SCAPER: variants seen among roughly 807,000 people sequenced by gnomAD.
SCAPER encodes S phase cyclin A-associated protein in the endoplasmic reticulum.
In SCAPER, 98 loss-of-function variants were observed where a neutral mutation model predicts 182.2. That is an observed-to-expected ratio of 0.54 (90% CI 0.46 to 0.64). The LOEUF is 0.64. Ranked by LOEUF, SCAPER falls within the 30% of genes least tolerant of loss-of-function variation. SCAPER has a pLI of 0.00. For missense variants in SCAPER, 1,432 were observed against 1,690.0 expected (o/e 0.85, Z 2.68); for synonymous variants, 605 against 564.6 (o/e 1.07, Z -1.01).
intron 22 of SCAPER, among the ~76,000 whole-genome samples, chr15:76,582,663 C>T (rs183866290): frequency 2.0e-5 from 3 of 152,188 alleles, no homozygotes; most frequent in South Asian, 2.1e-4. Flanking sequence ...GCAAAAAGAA[C>T]GAAACAGAAG....
chr15:76,560,947 G>A (rs2046570341), intron 23 of SCAPER, among the ~76,000 whole-genome samples: 1 of 152,118 alleles, frequency 6.6e-6, no homozygotes. Flanking sequence ...CTGTCATGGA[G>A]TCTACTAATT....
At chr15:76,642,820 A>G (rs1342854309) in intron 21 of SCAPER, among the ~76,000 whole-genome samples, 1 of 152,140 alleles carries the variant, frequency 6.6e-6, no homozygotes, top group African/African-American at 2.4e-5. Flanking sequence ...AGTTTGAGAC[A>G]TTTTGAGATT....
At chr15:76,733,740 C>G (rs914050818) in intron 15 of SCAPER, among the ~76,000 whole-genome samples, 2 of 150,678 alleles carry the variant, frequency 1.3e-5, no homozygotes. Flanking sequence ...GGTGACAGAA[C>G]AAGACTCCAT....
rs779686898 is a variant in SCAPER at position 76,862,514 on chromosome 15, T to C, written c.26A>G (p.Asn9Ser). 34 of 1,611,840 alleles carry C rather than the reference T, an allele frequency of 2.1e-5. No homozygotes were observed. Among genetic ancestry groups the C allele is most frequent in the Non-Finnish European group, 2.7e-5 (32 of 1,178,564 alleles). Residue 9 changes from asparagine to serine, a missense_variant, in exon 3 of 32, where the codon AAT becomes AGT. Asn to Ser is a conservative substitution (Grantham distance 46). Around this residue, in one of 5 missense-constraint regions of SCAPER, gnomAD observed 480 missense variants for 510.2 expected, o/e 0.94. Transcript: ENST00000563290. MMASFQRS[N>S]SHDKVRRIVA... ...TATTCTCCTTACTTTGTCATGACTATTGGAGCGCTGGAATGAAGCCTATGT... is the reference window on the plus strand; with the variant it reads ...TATTCTCCTTACTTTGTCATGACTACTGGAGCGCTGGAATGAAGCCTATGT...
At chr15:76,565,741 A>G (rs2046990890) in intron 23 of SCAPER, among the ~76,000 whole-genome samples, 1 of 152,148 alleles carries the variant, frequency 6.6e-6, no homozygotes, top group Admixed American at 6.6e-5. Context: ...CAAACCATTT[A>G]TAAGTTAAAT....
intron 20 of SCAPER, among the ~76,000 whole-genome samples, chr15:76,692,500 C>T (rs892865681): frequency 4.0e-5 from 6 of 151,696 alleles, no homozygotes; most frequent in African/African-American, 1.5e-4. Flanking sequence ...ACCAGCCCGG[C>T]CAAAGTGGTG....
At chr15:76,616,521 T>C (rs1308883472) in intron 22 of SCAPER, among the ~76,000 whole-genome samples, 1 of 152,156 alleles carries the variant, frequency 6.6e-6, no homozygotes, top group Non-Finnish European at 1.5e-5. Flanking sequence ...TTTTATAAGA[T>C]GAAAATAGTT....
At chr15:76,438,622 T>C (rs893232091) in intron 25 of SCAPER, among the ~76,000 whole-genome samples, 1 of 152,198 alleles carries the variant, frequency 6.6e-6, no homozygotes, top group African/African-American at 2.4e-5. Context: ...CAAAGAATCC[T>C]TGTGGCCCTG....
intron 5 of SCAPER, among the ~76,000 whole-genome samples, chr15:76,807,135 T>C (rs1356379179): frequency 6.6e-6 from 1 of 152,234 alleles, no homozygotes; most frequent in Non-Finnish European, 1.5e-5. Flanking sequence ...CTCTTGTTCC[T>C]GATCTTACCC....
chr15:76,696,346 T>C (rs2058656176), intron 20 of SCAPER, among the ~76,000 whole-genome samples: 2 of 152,218 alleles, frequency 1.3e-5, no homozygotes, highest in Admixed American at 6.5e-5. Context: ...CTAATTGGCA[T>C]ATATTGTCCA....
At chr15:76,505,440 GA>G (rs2041488227) in intron 23 of SCAPER, among the ~76,000 whole-genome samples, 1 of 152,128 alleles carries the variant, frequency 6.6e-6, no homozygotes, top group South Asian at 2.1e-4. Flanking sequence ...CAAAAAATCT[GA>G]ATAGACATTT....
In SCAPER at chr15:76,596,017, G is replaced by T. The variant is rs2049467313; in HGVS notation, c.2712-21733C>A. ...CCCTTCAAAAAATCAGTGAATCCAG[G>T]AGCTGGTTTTTTGAAAAGATTAACA... On this transcript the variant is annotated intron_variant, in intron 22 of 31. Coordinates refer to ENST00000563290, the MANE Select transcript of SCAPER (RefSeq NM_020843.4). Among the ~76,000 whole-genome samples, 2 of 120,982 alleles carry T rather than the reference G, an allele frequency of 1.7e-5. 1 individual carries two copies. Among genetic ancestry groups the T allele is most frequent in the Admixed American group, 1.9e-4 (2 of 10,586 alleles). 79.4% of individuals were successfully genotyped at this position (120,982 alleles called of 152,430 possible).
At chr15:76,885,158 T>C (rs1343353966) in intron 1 of SCAPER, among the ~76,000 whole-genome samples, 4 of 152,242 alleles carry the variant, frequency 2.6e-5, no homozygotes, top group Non-Finnish European at 5.9e-5. Context: ...AATTATATTG[T>C]AAATGAATCA....
chr15:76,389,905 T>A (rs1431385032), intron 27 of SCAPER, among the ~76,000 whole-genome samples: 1 of 151,568 alleles, frequency 6.6e-6, no homozygotes, highest in Non-Finnish European at 1.5e-5. Flanking sequence ...CTCAGATACC[T>A]GGGAGAATTT....
At chr15:76,606,601 A>G (rs902367706) in intron 22 of SCAPER, among the ~76,000 whole-genome samples, 25 of 151,378 alleles carry the variant, frequency 1.7e-4, no homozygotes, top group Non-Finnish European at 3.2e-4. Flanking sequence ...GATCTGTCTA[A>G]TGTTGACAGT....
intron 22 of SCAPER, among the ~76,000 whole-genome samples, chr15:76,574,548 T>C (rs2047684105): frequency 1.3e-5 from 2 of 152,200 alleles, no homozygotes; most frequent in South Asian, 4.1e-4. Flanking sequence ...TTGATGCCTT[T>C]AGTTTCTGTA....
At chr15:76,729,325 CAT>C (rs1555558745) in intron 16 of SCAPER, among the ~76,000 whole-genome samples, 18 of 150,020 alleles carry the variant, frequency 1.2e-4, no homozygotes, top group East Asian at 5.8e-4. Flanking sequence ...CACACACACA[CAT>C]ATACATATAT....
rs1232103702 is a variant in SCAPER at position 76,777,538 on chromosome 15, C to G, written c.773-2421G>C. 1.6e-4 allele frequency among the ~76,000 whole-genome samples: 8 copies of G among 49,362 alleles called. No individual in the cohort carries two copies. In the Admixed American group the frequency reaches 2.6e-3, roughly 16 times the overall value. The allele number at this position is 49,362 out of a possible 152,430, so 32.4% of individuals were successfully genotyped here. A position where few individuals can be genotyped will look rare whatever the true frequency, so the allele number is the denominator to read the frequency against. On this transcript the variant is annotated intron_variant, in intron 8 of 31. Transcript: ENST00000563290. ...GGTGAAACCCCATCTCTACTAAATACAAAAAAATTAGCAGACATGGTGGCA... is the reference window on the plus strand; with the variant it reads ...GGTGAAACCCCATCTCTACTAAATAGAAAAAAATTAGCAGACATGGTGGCA...
At chr15:76,902,631 C>A (rs375149638) in intron 1 of SCAPER, among the ~76,000 whole-genome samples, 1 of 152,192 alleles carries the variant, frequency 6.6e-6, no homozygotes, top group South Asian at 2.1e-4. Context: ...TCAGATTGTA[C>A]CCTTACAGAG....
Sources: allele counts gnomAD v4.1 joint callset (sites outside exome capture counted in the v4.1 genomes callset), GRCh38; gene constraint gnomAD v4.1.1; regional missense constraint gnomAD v4.1.1; transcripts MANE v1.5; gene names NCBI Gene and HGNC (gene_info 2026-07-23, HGNC 2026-07-21).